Variants in ESYT2 observed in about 807,000 individuals in gnomAD.
ESYT2 encodes extended synaptotagmin-2.
A neutral mutation model predicts 107.2 loss-of-function variants in ESYT2; 54 were observed. The observed-to-expected ratio is 0.50, with a 90% CI of 0.40 to 0.63. The LOEUF is 0.63. Ranked by LOEUF, ESYT2 falls within the 30% of genes least tolerant of loss-of-function variation. ESYT2 has a pLI of 0.00. For synonymous variants in ESYT2, 491 were observed against 434.1 expected, an observed-to-expected ratio of 1.13 and a Z score of -1.63; for missense variants, 1,020 against 1,094.5, an observed-to-expected ratio of 0.93 and a Z score of 0.96.
At chr7:158,818,186 T>C (rs1047436696) in intron 1 of ESYT2, among the ~76,000 whole-genome samples, 7 of 152,238 alleles carry the variant, frequency 4.6e-5, no homozygotes, top group Admixed American at 1.3e-4. Context: ...AAATGTTATA[T>C]GTACAAAATG....
At chr7:158,781,462 A>T (rs139591277) in intron 6 of ESYT2, among the ~76,000 whole-genome samples, 4 of 150,670 alleles carry the variant, frequency 2.7e-5, no homozygotes, top group South Asian at 4.2e-4. Context: ...TTGTGAGAAC[A>T]AAGTGTGAGA....
At chr7:158,747,646 T>C (rs1837450569) in intron 16 of ESYT2, among the ~76,000 whole-genome samples, 1 of 152,172 alleles carries the variant, frequency 6.6e-6, no homozygotes, top group African/African-American at 2.4e-5. Flanking sequence ...GAAAACAATT[T>C]GGCAGTTTAT....
At chr7:158,759,642 A>C in intron 12 of ESYT2, 61 bp from the exon 13 acceptor site, 1 of 1,282,942 alleles carries the variant, frequency 7.8e-7, no homozygotes, top group Non-Finnish European at 1.1e-6. Flanking sequence ...TACTATTTCT[A>C]TCTGATTGTA....
chr7:158,761,287 C>T (rs1247253836), intron 11 of ESYT2, among the ~76,000 whole-genome samples: 6 of 152,212 alleles, frequency 3.9e-5, no homozygotes, highest in African/African-American at 1.2e-4. Context: ...GGACTCAACA[C>T]GCACCTGAAT....
Position 158,806,122 on chromosome 7 carries a change from C to CATGTGGGAGGCGCTGGCGCACAAT in ESYT2, c.331-7051_331-7050insATTGTGCGCCAGCGCCTCCCACAT, listed in dbSNP as rs1563033002. Among the ~76,000 whole-genome samples the CATGTGGGAGGCGCTGGCGCACAAT allele has an allele frequency of 1.3e-3, 51 of 39,486 alleles. 1 individual carries two copies. The highest frequency in any genetic ancestry group is 2.2e-3 in the Non-Finnish European group (22 of 10,164). 25.9% of individuals were successfully genotyped at this position (39,486 alleles called of 152,430 possible). On this transcript the variant is annotated intron_variant, in intron 1 of 22. Transcript: ENST00000275418. ...CCGCGTGGGAGGCGCCGGGGCACAC[C>CATGTGGGAGGCGCTGGCGCACAAT]GCGTGGGAGGTGCCGGGGCACACCG...
At chr7:158,736,956 T>C (rs911997155) in intron 20 of ESYT2, 92 bp downstream of exon 20, 3 of 1,522,162 alleles carry the variant, frequency 2.0e-6, no homozygotes, top group African/African-American at 1.4e-5. Flanking sequence ...AGCTGATTTA[T>C]GTGCTTTGGC....
intron 11 of ESYT2, 131 bp downstream of exon 11, chr7:158,761,365 A>G (rs974664086): frequency 1.1e-5 from 8 of 726,322 alleles, no homozygotes; most frequent in Non-Finnish European, 9.6e-6. Context: ...TGTTAAGTAA[A>G]TGTTGTTCAT....
intron 2 of ESYT2, 78 bp downstream of exon 2, chr7:158,798,953 A>C (rs1188971084): frequency 6.9e-7 from 1 of 1,455,030 alleles, no homozygotes; most frequent in East Asian, 2.3e-5. Flanking sequence ...ACCAACATGC[A>C]AATCCCCAAA....
intron 1 of ESYT2, among the ~76,000 whole-genome samples, chr7:158,803,657 T>C (rs1839711039): frequency 6.6e-6 from 1 of 152,212 alleles, no homozygotes; most frequent in African/African-American, 2.4e-5. Flanking sequence ...AAATTTTGGT[T>C]CACACACAGC....
intron 17 of ESYT2, among the ~76,000 whole-genome samples, chr7:158,743,085 C>T (rs897802507): frequency 2.0e-5 from 3 of 152,178 alleles, no homozygotes; most frequent in Non-Finnish European, 4.4e-5. Context: ...ACAAATGAAT[C>T]GTGATTTTGG....
At chr7:158,748,142 T>A in intron 16 of ESYT2, 52 bp downstream of exon 16, 1 of 1,563,914 alleles carries the variant, frequency 6.4e-7, no homozygotes, top group Non-Finnish European at 8.8e-7. Context: ...TTGTATACTT[T>A]AAAAAGTCAA....
intron 3 of ESYT2, among the ~76,000 whole-genome samples, chr7:158,794,010 G>A (rs1839384850): frequency 6.6e-6 from 1 of 152,234 alleles, no homozygotes; most frequent in Non-Finnish European, 1.5e-5. Context: ...CTTGCCCACA[G>A]CAGTTAATAA....
In ESYT2 at chr7:158,760,232, G is replaced by A; in HGVS notation, c.1234-85C>T. 5.7e-6 allele frequency: 7 copies of A among 1,223,436 alleles called. No individual in the cohort carries two copies. The South Asian group carries it at 7.5e-5, about 13-fold the overall frequency. 75.8% of individuals were successfully genotyped at this position (1,223,436 alleles called of 1,614,324 possible). ...AACCCAGTCTCTACAAATGTTCCAT[G>A]CTGCTCACTAACCACGAGGCATCAA... On this transcript the variant is annotated intron_variant, in intron 11 of 22. Transcript: ENST00000275418.
At chr7:158,762,126 G>A (rs921662399) in intron 10 of ESYT2, among the ~76,000 whole-genome samples, 3 of 151,666 alleles carry the variant, frequency 2.0e-5, no homozygotes, top group African/African-American at 7.3e-5. Context: ...TAAACCTCCC[G>A]TACTTCCAAG....
intron 6 of ESYT2, among the ~76,000 whole-genome samples, chr7:158,786,581 T>G (rs1292765439): frequency 6.6e-6 from 1 of 152,216 alleles, no homozygotes; most frequent in Non-Finnish European, 1.5e-5. Flanking sequence ...GCCCATTCTT[T>G]CAGTAATAAG....
At chr7:158,810,083 T>C (rs1307668971) in intron 1 of ESYT2, among the ~76,000 whole-genome samples, 1 of 152,240 alleles carries the variant, frequency 6.6e-6, no homozygotes, top group East Asian at 1.9e-4. Context: ...CCAGTGGTAA[T>C]GTAAAATGAT....
chr7:158,778,188 C>G (rs1838639089), intron 6 of ESYT2, among the ~76,000 whole-genome samples: 1 of 152,162 alleles, frequency 6.6e-6, no homozygotes, highest in African/African-American at 2.4e-5. Context: ...ATTAACAACT[C>G]TCTTAAGAGC....
chr7:158,767,986 T>C (rs557170862), intron 7 of ESYT2, among the ~76,000 whole-genome samples: 69 of 152,354 alleles, frequency 4.5e-4, no homozygotes, highest in African/African-American at 1.5e-3. Context: ...AATTTATTTA[T>C]AGAATACAAG....
At chr7:158,806,747 T>G (rs989453189) in intron 1 of ESYT2, among the ~76,000 whole-genome samples, 1 of 152,254 alleles carries the variant, frequency 6.6e-6, no homozygotes, top group East Asian at 1.9e-4. Flanking sequence ...AGTTCTGGCA[T>G]GAGTTACATC....
Sources: allele counts gnomAD v4.1 joint callset (sites outside exome capture counted in the v4.1 genomes callset), GRCh38; gene constraint gnomAD v4.1.1; transcripts MANE v1.5; gene names NCBI Gene and HGNC (gene_info 2026-07-23, HGNC 2026-07-21).